The following OLAH variants were observed in gnomAD, a reference collection of about 807,000 sequenced individuals.
OLAH encodes the protein oleoyl-ACP hydrolase.
OLAH carries 33 observed loss-of-function variants against 27.8 expected under a neutral mutation model. That is an observed-to-expected ratio of 1.19 (90% CI 0.90 to 1.59). The LOEUF (loss-of-function observed/expected upper bound fraction) is 1.59. Among genes scored for constraint, OLAH ranks in the 40% most tolerant of loss-of-function variants. The pLI is 0.00. For missense variants in OLAH, 359 were observed against 310.8 expected (o/e 1.16, Z -1.17); for synonymous variants, 120 against 102.9 (o/e 1.17, Z -1.01).
At chr10:15,043,722 C>G (rs1431448282), upstream of OLAH, among the ~76,000 whole-genome samples, 1 of 152,152 alleles carries the variant, frequency 6.6e-6, no homozygotes, top group African/African-American at 2.4e-5. Context: ...CCCACTTTAG[C>G]CTCCCAAAGT....
chr10:15,047,312 G>A lies in OLAH; in HGVS notation c.24G>A (p.Lys8=). The A allele has an allele frequency of 6.2e-7, 1 of 1,613,586 alleles. No individual in the cohort carries two copies. The highest frequency in any genetic ancestry group is 8.5e-7 in the Non-Finnish European group (1 of 1,179,848). MERGDQP[K]RTRNENIFNC... Reference sequence around the variant, plus strand: ...GCATGGAGAGAGGAGACCAACCTAAGAGAACCAGGCAGGCCACCCCTTGTG... The same window carrying A: ...GCATGGAGAGAGGAGACCAACCTAAAAGAACCAGGCAGGCCACCCCTTGTG... Residue 8 remains lysine, a synonymous_variant, in exon 2 of 8, where the codon AAG becomes AAA. Coordinates refer to ENST00000378228, the MANE Select transcript of OLAH (RefSeq NM_001039702.3).
chr10:15,046,068 G>T (rs1434230856), intron 1 of OLAH, among the ~76,000 whole-genome samples: 1 of 151,598 alleles, frequency 6.6e-6, no homozygotes, highest in Admixed American at 6.6e-5. Flanking sequence ...AGATCTGGCC[G>T]GGTGTGGTGG....
chr10:15,058,969 C>CTCCCTCTCTCCTTCCCTCTCTCCT (rs751374924), intron 3 of OLAH, among the ~76,000 whole-genome samples: 4 of 105,832 alleles, frequency 3.8e-5, no homozygotes, highest in Non-Finnish European at 2.0e-5. Context: ...CCTTCCCTCC[C>CTCCCTCTCTCCTTCCCTCTCTCCT]TCCCTCTCTC....
upstream of OLAH, among the ~76,000 whole-genome samples, chr10:15,039,865 C>T (rs1035365828): frequency 3.9e-5 from 6 of 152,194 alleles, no homozygotes; most frequent in Admixed American, 3.9e-4. Context: ...AACTGATCCT[C>T]ATCTTATGAG....
chr10:15,061,138 G>GCATAAATA lies in OLAH; in HGVS notation c.164-583_164-576dup, dbSNP rs760437280. On this transcript the variant is annotated intron_variant, in intron 3 of 7. Coordinates refer to ENST00000378228, the MANE Select transcript of OLAH (RefSeq NM_001039702.3). ...GATAACATAAATAAACTTCAAATTT[G>GCATAAATA]CATAAATACAAGGCTTTGTTTAAAA... Among the ~76,000 whole-genome samples the GCATAAATA allele has an allele frequency of 4.5e-4, 68 of 151,972 alleles. 1 individual carries two copies. The highest frequency in any genetic ancestry group is 8.5e-4 in the Non-Finnish European group (58 of 67,984).
intron 1 of OLAH, among the ~76,000 whole-genome samples, chr10:15,035,311 A>G (rs1843825228): frequency 6.6e-6 from 1 of 152,118 alleles, no homozygotes; most frequent in Admixed American, 6.5e-5. Flanking sequence ...TGCTATAAAG[A>G]AATACCTGTG....
chr10:15,035,743 G>A (rs1454994314), intron 1 of OLAH, among the ~76,000 whole-genome samples: 2 of 152,174 alleles, frequency 1.3e-5, no homozygotes, highest in African/African-American at 4.8e-5. Flanking sequence ...ACGCCATGGG[G>A]AAGCACAGAG....
At chr10:15,073,008 T>C in intron 7 of OLAH, 79 bp from the exon 8 acceptor site, 5 of 1,372,442 alleles carry the variant, frequency 3.6e-6, no homozygotes, top group Non-Finnish European at 5.1e-6. Flanking sequence ...GGGTGTCAGC[T>C]CTTAAAGAAA....
intron 1 of OLAH, among the ~76,000 whole-genome samples, chr10:15,038,855 T>C (rs576321591): frequency 1.3e-5 from 2 of 152,120 alleles, no homozygotes; most frequent in African/African-American, 2.4e-5. Context: ...TCCAAGAGCA[T>C]GGATCAGTCA....
At chr10:15,041,076 G>C (rs543389878), upstream of OLAH, among the ~76,000 whole-genome samples, 2 of 152,270 alleles carry the variant, frequency 1.3e-5, no homozygotes, top group Non-Finnish European at 2.9e-5. Flanking sequence ...CTATTGACTA[G>C]AGTGGGTGCA....
chr10:15,068,978 C>G (rs1406437230), intron 6 of OLAH, among the ~76,000 whole-genome samples: 1 of 152,118 alleles, frequency 6.6e-6, no homozygotes, highest in African/African-American at 2.4e-5. Context: ...CCTGCCCTAC[C>G]CTTGGCGTTC....
At chr10:15,063,475 A>G (rs1844407863) in intron 4 of OLAH, among the ~76,000 whole-genome samples, 1 of 152,120 alleles carries the variant, frequency 6.6e-6, no homozygotes, top group Non-Finnish European at 1.5e-5. Context: ...TGCACTTTAC[A>G]CTCCATGCGC....
intron 3 of OLAH, 84 bp from the exon 4 acceptor site, chr10:15,061,640 A>G (rs1844365311): frequency 3.1e-6 from 4 of 1,302,184 alleles, no homozygotes; most frequent in South Asian, 4.3e-5. Flanking sequence ...AATTTTTTCC[A>G]TCAGGTAAAT....
intron 3 of OLAH, among the ~76,000 whole-genome samples, chr10:15,061,093 C>A (rs1258370363): frequency 1.3e-5 from 2 of 151,922 alleles, no homozygotes; most frequent in African/African-American, 4.8e-5. Flanking sequence ...ATTTATGTTA[C>A]CTGCACTCCA....
intron 3 of OLAH, among the ~76,000 whole-genome samples, chr10:15,055,927 G>A (rs561709369): frequency 1.4e-4 from 21 of 150,404 alleles, no homozygotes; most frequent in African/African-American, 1.7e-4. Flanking sequence ...TCTGCTCACT[G>A]AAATCTCCAC....
intron 1 of OLAH, among the ~76,000 whole-genome samples, chr10:15,044,524 G>A (rs1167635352): frequency 4.6e-5 from 7 of 151,038 alleles, no homozygotes; most frequent in African/African-American, 1.5e-4. Flanking sequence ...GTGCAATCTC[G>A]GCTCACTACT....
intron 1 of OLAH, among the ~76,000 whole-genome samples, chr10:15,046,785 C>T (rs1305582285): frequency 1.3e-5 from 2 of 152,186 alleles, no homozygotes; most frequent in Non-Finnish European, 2.9e-5. Context: ...AAAGCTAAGA[C>T]ATCTCTGTTG....
At chr10:15,046,643 T>C (rs1307605984) in intron 1 of OLAH, among the ~76,000 whole-genome samples, 4 of 152,004 alleles carry the variant, frequency 2.6e-5, no homozygotes, top group African/African-American at 4.8e-5. Flanking sequence ...ATTTTTATAT[T>C]TTTAGTAGAG....
intron 6 of OLAH, among the ~76,000 whole-genome samples, chr10:15,069,940 C>T (rs1844548760): frequency 6.6e-6 from 1 of 152,042 alleles, no homozygotes; most frequent in African/African-American, 2.4e-5. Context: ...ACTGTGTCTC[C>T]AACACTTTAA....
Sources: gnomAD v4.1 joint callset for allele counts (sites outside exome capture counted in the v4.1 genomes callset) on GRCh38, gnomAD v4.1.1 for gene constraint, MANE v1.5 for transcripts, NCBI Gene and HGNC (gene_info 2026-07-23, HGNC 2026-07-21) for gene names.